The following PRKD1 variants were observed in gnomAD, a reference collection of about 807,000 sequenced individuals.
PRKD1 encodes serine/threonine-protein kinase D1.
Under a neutral mutation model 95.9 loss-of-function variants are expected in PRKD1, and 63 were observed. The observed-to-expected ratio is 0.66, with a 90% confidence interval of 0.54 to 0.81. The LOEUF is 0.81. PRKD1 is among the 30% of genes least tolerant of loss of function. The pLI, the probability that PRKD1 is intolerant of heterozygous loss-of-function variation, is 0.00. For missense variants in PRKD1, 1,048 were observed against 1,165.3 expected, an observed-to-expected ratio of 0.90 and a Z score of 1.47; for synonymous variants, 425 against 423.1, an observed-to-expected ratio of 1.00 and a Z score of -0.05.
chr14:29,918,608 T>C (rs1212567237), intron 1 of PRKD1, among the ~76,000 whole-genome samples: 1 of 152,168 alleles, frequency 6.6e-6, no homozygotes, highest in African/African-American at 2.4e-5. Context: ...ATTTCTAGTT[T>C]TTAACTGCCC....
At chr14:29,630,071 C>A (rs1879893631) in intron 10 of PRKD1, among the ~76,000 whole-genome samples, 1 of 149,590 alleles carries the variant, frequency 6.7e-6, no homozygotes, top group Non-Finnish European at 1.5e-5. Flanking sequence ...TTCTCTTCCT[C>A]TTCCTCTTCA....
intron 2 of PRKD1, among the ~76,000 whole-genome samples, chr14:29,688,562 C>T (rs1185203999): frequency 6.6e-6 from 1 of 152,092 alleles, no homozygotes; most frequent in Non-Finnish European, 1.5e-5. Context: ...GTGTAGTAAC[C>T]TAGTATTCCT....
At chr14:29,851,144 G>T (rs924329459) in intron 1 of PRKD1, among the ~76,000 whole-genome samples, 3 of 151,986 alleles carry the variant, frequency 2.0e-5, no homozygotes, top group African/African-American at 7.2e-5. Flanking sequence ...CCTAGAAAAT[G>T]TCCGTCTTGA....
intron 16 of PRKD1, among the ~76,000 whole-genome samples, chr14:29,578,565 A>T (rs1892646741): frequency 6.6e-6 from 1 of 150,384 alleles, no homozygotes; most frequent in Admixed American, 6.6e-5. Context: ...AAAAAAAAAA[A>T]AAAAAAGAAG....
chr14:29,693,279 C>T (rs909171546), intron 2 of PRKD1, among the ~76,000 whole-genome samples: 1 of 152,040 alleles, frequency 6.6e-6, no homozygotes, highest in Non-Finnish European at 1.5e-5. Context: ...ACTTTGTGTT[C>T]TAAAGGCTAT....
intron 1 of PRKD1, among the ~76,000 whole-genome samples, chr14:29,834,733 T>C (rs1203022116): frequency 6.6e-6 from 1 of 152,190 alleles, no homozygotes; most frequent in African/African-American, 2.4e-5. Context: ...TGTTAGGCAC[T>C]ACGGTAAGTA....
chr14:29,848,449 T>C (rs749131553), intron 1 of PRKD1, among the ~76,000 whole-genome samples: 2 of 151,922 alleles, frequency 1.3e-5, no homozygotes, highest in Admixed American at 1.3e-4. Context: ...CAAAAGCAAC[T>C]GCATATATGG....
chr14:29,663,708 C>T lies in PRKD1; in HGVS notation c.687G>A (p.Glu229=). 6.2e-7 allele frequency: 1 copy of T among 1,613,664 alleles called. No homozygotes were observed. ...AAACAGGAAGCCATACCAGAAGGGG[C>T]TCATCAGGGGCACTTGTAGAGAGTT... ...SAELSTSAPD[E]PLLQKSPSES... is the part of the protein sequence containing the mutation. Residue 229 remains glutamate (E), a synonymous_variant, in exon 4 of 18, where the codon GAG becomes GAA. Coordinates refer to ENST00000331968, the MANE Select transcript of PRKD1 (RefSeq NM_002742.3).
At chr14:29,906,836 G>A (rs1356691053) in intron 1 of PRKD1, among the ~76,000 whole-genome samples, 1 of 152,170 alleles carries the variant, frequency 6.6e-6, no homozygotes, top group Non-Finnish European at 1.5e-5. Flanking sequence ...AGCTAACATG[G>A]GGTGATTGGG....
intron 13 of PRKD1, among the ~76,000 whole-genome samples, chr14:29,621,450 CCTT>C (rs1454640106): frequency 6.6e-6 from 1 of 151,134 alleles, no homozygotes; most frequent in Non-Finnish European, 1.5e-5. Flanking sequence ...CCTTTCCTTT[CCTT>C]CTTTTTTGGT....
chr14:29,833,882 C>T (rs867803457), intron 1 of PRKD1, among the ~76,000 whole-genome samples: 1 of 151,160 alleles, frequency 6.6e-6, no homozygotes, highest in South Asian at 2.1e-4. Flanking sequence ...TAGACAGCAG[C>T]GAGCCTGAAA....
intron 1 of PRKD1, among the ~76,000 whole-genome samples, chr14:29,814,402 C>T (rs1050108924): frequency 1.3e-5 from 2 of 152,306 alleles, no homozygotes; most frequent in Non-Finnish European, 2.9e-5. Flanking sequence ...GAGCGCAGTG[C>T]TGGCTGACTA....
intron 1 of PRKD1, among the ~76,000 whole-genome samples, chr14:29,820,555 T>G (rs552909664): frequency 1.3e-3 from 192 of 152,262 alleles, no homozygotes; most frequent in African/African-American, 4.3e-3. Flanking sequence ...TAAAATCAAC[T>G]AATAACACAA....
At chr14:29,654,265 G>A (rs551886596) in intron 4 of PRKD1, among the ~76,000 whole-genome samples, 5 of 151,906 alleles carry the variant, frequency 3.3e-5, no homozygotes, top group African/African-American at 7.3e-5. Flanking sequence ...TCTGCCTCTC[G>A]GGTTCAAGCA....
At chr14:29,790,007 C>CTTTTT (rs34880091) in intron 1 of PRKD1, among the ~76,000 whole-genome samples, 72 of 97,306 alleles carry the variant, frequency 7.4e-4, no homozygotes, top group African/African-American at 1.5e-3. Flanking sequence ...AGCAAGTTGT[C>CTTTTT]TTTTTTTTTT....
At chr14:29,808,158 C>G (rs1345748972) in intron 1 of PRKD1, among the ~76,000 whole-genome samples, 1 of 152,034 alleles carries the variant, frequency 6.6e-6, no homozygotes, top group African/African-American at 2.4e-5. Flanking sequence ...GGAGTCAATC[C>G]TCTCAAATCC....
chr14:29,921,606 T>G (rs2139140121), intron 1 of PRKD1, among the ~76,000 whole-genome samples: 1 of 152,266 alleles, frequency 6.6e-6, no homozygotes. Context: ...GTAAGGTCAG[T>G]AACAGTTATT....
intron 1 of PRKD1, among the ~76,000 whole-genome samples, chr14:29,848,582 A>C (rs186993282): frequency 1.6e-4 from 25 of 152,150 alleles, no homozygotes; most frequent in African/African-American, 4.6e-4. Context: ...AAGGAAAAAA[A>C]AAAACAAAAC....
At chr14:29,685,980 T>C (rs935530319) in intron 2 of PRKD1, among the ~76,000 whole-genome samples, 1 of 152,156 alleles carries the variant, frequency 6.6e-6, no homozygotes, top group African/African-American at 2.4e-5. Flanking sequence ...TTTAAAGTCT[T>C]CAAAAACGCA....
Sources: allele counts gnomAD v4.1 joint callset (sites outside exome capture counted in the v4.1 genomes callset), GRCh38; gene constraint gnomAD v4.1.1; transcripts MANE v1.5; gene names NCBI Gene and HGNC (gene_info 2026-07-23, HGNC 2026-07-21).